Variants in UGT1A7 observed in about 807,000 individuals in gnomAD.
The protein encoded by UGT1A7 is UDP glucuronosyltransferase family 1 member A7.
In UGT1A7, 33 loss-of-function variants were observed where a neutral mutation model predicts 45.6. The ratio of observed to expected loss-of-function variants is 0.72; its 90% CI spans 0.55 to 0.97. The LOEUF (loss-of-function observed/expected upper bound fraction) is 0.97, where lower values mean the gene tolerates loss of function less well. Ranked by LOEUF, UGT1A7 falls within the 50% of genes least tolerant of loss-of-function variation. The pLI is 0.00. For missense variants in UGT1A7, 684 were observed against 666.2 expected (o/e 1.03, Z -0.29); for synonymous variants, 274 against 250.6 (o/e 1.09, Z -0.88).
chr2:233,768,682 G>A (rs375377866), intron 4 of UGT1A7, among the ~76,000 whole-genome samples: 30 of 141,324 alleles, frequency 2.1e-4, no homozygotes, highest in South Asian at 1.6e-3. Flanking sequence ...CACCTCCCAC[G>A]TTCAAGCAGT....
chr2:233,719,190 C>A (rs772886660), intron 1 of UGT1A7: 19 of 1,614,048 alleles, frequency 1.2e-5, no homozygotes, highest in Admixed American at 1.0e-4. Flanking sequence ...ATCTTTGGCC[C>A]TTCATAGGTG....
chr2:233,699,590 C>A (rs2075514106), intron 1 of UGT1A7, among the ~76,000 whole-genome samples: 1 of 152,192 alleles, frequency 6.6e-6, no homozygotes, highest in Admixed American at 6.5e-5. Flanking sequence ...ATCCTTTCTT[C>A]CCAGCCTGGT....
At chr2:233,720,463 G>A (rs2076862046) in intron 1 of UGT1A7, among the ~76,000 whole-genome samples, 1 of 152,124 alleles carries the variant, frequency 6.6e-6, no homozygotes, top group African/African-American at 2.4e-5. Flanking sequence ...GCTGGGACCA[G>A]TGATGAATGG....
At chr2:233,754,291 C>A in intron 1 of UGT1A7, 1 of 232,626 alleles carries the variant, frequency 4.3e-6, no homozygotes. Flanking sequence ...ACATTCTGTC[C>A]TAGCACTAGG....
At chr2:233,751,274 C>T (rs1450927418) in intron 1 of UGT1A7, among the ~76,000 whole-genome samples, 1 of 151,812 alleles carries the variant, frequency 6.6e-6, no homozygotes, top group African/African-American at 2.4e-5. Flanking sequence ...CTTTTTTTGG[C>T]CAGTTTCTCC....
At chr2:233,744,448 G>C (rs1692820883) in intron 1 of UGT1A7, among the ~76,000 whole-genome samples, 1 of 151,846 alleles carries the variant, frequency 6.6e-6, no homozygotes, top group African/African-American at 2.4e-5. Context: ...TACTGCATTA[G>C]AGATTAAAAC....
intron 1 of UGT1A7, among the ~76,000 whole-genome samples, chr2:233,749,562 T>G (rs541768746): frequency 6.6e-6 from 1 of 151,876 alleles, no homozygotes; most frequent in African/African-American, 2.4e-5. Flanking sequence ...ATGTATTCAA[T>G]AGTGAGGCCA....
chr2:233,698,141 G>C (rs12466747), intron 1 of UGT1A7, among the ~76,000 whole-genome samples: 27,033 of 152,174 alleles, frequency 0.18, 2,695 homozygotes, highest in Non-Finnish European at 0.23. Flanking sequence ...TGTCTCAACT[G>C]TATTCCCAGC....
chr2:233,682,394 T>G lies in UGT1A7; in HGVS notation c.457T>G (p.Cys153Gly). ...AGTGTTTCTCGATCCTTTTGATGCCTGTGGCTTAATTGTTGCCAAATATTT... is the reference window on the plus strand; with the variant it reads ...AGTGTTTCTCGATCCTTTTGATGCCGGTGGCTTAATTGTTGCCAAATATTT... ...DAVFLDPFDA[C>G]GLIVAKYFSL... is the part of the protein sequence containing the mutation. Residue 153 changes from cysteine to glycine, a missense_variant, in exon 1 of 5, where the codon TGT becomes GGT. Transcript: ENST00000373426. 1 of 1,614,020 alleles carries G rather than the reference T, an allele frequency of 6.2e-7. No homozygotes were observed. Among genetic ancestry groups the G allele is most frequent in the Non-Finnish European group, 8.5e-7 (1 of 1,179,902 alleles).
chr2:233,744,129 A>C (rs1002862654), intron 1 of UGT1A7: 5 of 357,290 alleles, frequency 1.4e-5, no homozygotes, highest in African/African-American at 1.1e-4. Flanking sequence ...AGGCTCTGTG[A>C]GGCCCTGTGA....
intron 1 of UGT1A7, among the ~76,000 whole-genome samples, chr2:233,717,439 G>A (rs542098595): frequency 2.9e-4 from 44 of 152,272 alleles, no homozygotes; most frequent in Non-Finnish European, 5.4e-4. Flanking sequence ...TCTGATGGAC[G>A]CATCCATTCA....
chr2:233,767,743 A>G (rs543873419), intron 2 of UGT1A7, 106 bp from the exon 3 acceptor site: 2 of 1,585,594 alleles, frequency 1.3e-6, no homozygotes, highest in South Asian at 2.3e-5. Flanking sequence ...CACTCTGTTA[A>G]AGACTGTTCC....
chr2:233,690,776 TAC>T (rs34459843), intron 1 of UGT1A7: 249,360 of 961,196 alleles, frequency 0.26, 14,017 homozygotes, highest in African/African-American at 0.41. Flanking sequence ...CACACACACA[TAC>T]ACACACACAC....
At chr2:233,736,661 C>T (rs568296788) in intron 1 of UGT1A7, among the ~76,000 whole-genome samples, 1 of 152,264 alleles carries the variant, frequency 6.6e-6, no homozygotes, top group Admixed American at 6.5e-5. Flanking sequence ...GTTTTATGTA[C>T]CTTAGGTCTT....
chr2:233,769,675 G>A lies in UGT1A7; in HGVS notation c.1295+1236G>A, dbSNP rs1044597905. 16 of 1,578,848 alleles carry A rather than the reference G, an allele frequency of 1.0e-5. No homozygotes were observed. The highest frequency in any genetic ancestry group is 1.4e-5 in the Non-Finnish European group (16 of 1,162,352). ...CTTCCCACCTTTGAGGTGCTAATGT[G>A]TGTGTGGTGGCACTGGATAAAAGAT... On this transcript the variant is annotated intron_variant, in intron 4 of 4. Coordinates refer to ENST00000373426, the MANE Select transcript of UGT1A7 (RefSeq NM_019077.3). The surrounding 1 kb of genome is among the most constrained non-coding windows in gnomAD (Gnocchi z 4.4).
intron 1 of UGT1A7, among the ~76,000 whole-genome samples, chr2:233,689,457 T>C (rs2074944426): frequency 6.6e-6 from 1 of 152,220 alleles, no homozygotes; most frequent in Admixed American, 6.5e-5. Flanking sequence ...GGATACATTT[T>C]AGGAAAACAG....
intron 1 of UGT1A7, among the ~76,000 whole-genome samples, chr2:233,751,420 G>C (rs1694723370): frequency 6.6e-6 from 1 of 152,164 alleles, no homozygotes; most frequent in Non-Finnish European, 1.5e-5. Context: ...TTTTGAGCTA[G>C]TGCTGAAATG....
At chr2:233,694,193 C>A (rs923236603) in intron 1 of UGT1A7, among the ~76,000 whole-genome samples, 1 of 152,120 alleles carries the variant, frequency 6.6e-6, no homozygotes, top group Non-Finnish European at 1.5e-5. Flanking sequence ...GGAACAGGTC[C>A]AGGTTAAAAT....
intron 1 of UGT1A7, chr2:233,693,664 T>C (rs140637573): frequency 4.3e-6 from 7 of 1,614,196 alleles, no homozygotes; most frequent in Non-Finnish European, 5.9e-6. Context: ...TGGAGCCCTA[T>C]CTATTTTATT....
Sources: gnomAD v4.1 joint callset for allele counts (sites outside exome capture counted in the v4.1 genomes callset) on GRCh38, gnomAD v4.1.1 for gene constraint, Gnocchi (gnomAD v3.1) non-coding constraint, MANE v1.5 for transcripts, NCBI Gene and HGNC (gene_info 2026-07-23, HGNC 2026-07-21) for gene names.